Variants in TAX1BP1 observed in about 807,000 individuals in gnomAD.
The protein encoded by TAX1BP1 is tax1-binding protein 1.
A neutral mutation model predicts 97.7 loss-of-function variants in TAX1BP1; 62 were observed. The observed-to-expected ratio is 0.63, with a 90% CI of 0.52 to 0.78. The LOEUF (loss-of-function observed/expected upper bound fraction) is 0.78. Among genes scored for constraint, TAX1BP1 ranks in the 30% least tolerant of loss-of-function variants. The pLI is 0.00. For missense variants in TAX1BP1, 867 were observed against 916.1 expected, an observed-to-expected ratio of 0.95 and a Z score of 0.69; for synonymous variants, 340 against 304.2, an observed-to-expected ratio of 1.12 and a Z score of -1.23.
In TAX1BP1 at chr7:27,765,893, G is replaced by A; in HGVS notation, c.325G>A (p.Gly109Ser). ...TCAGTTCTGTTACGTTACCCATAAGGGTGAAATTCGTGGAGCAAGTACACC... is the reference window on the plus strand; with the variant it reads ...TCAGTTCTGTTACGTTACCCATAAGAGTGAAATTCGTGGAGCAAGTACACC... ...FYQFCYVTHK[G>S]EIRGASTPFQ... is the part of the protein sequence containing the mutation. Residue 109 changes from glycine to serine, a missense_variant, in exon 4 of 17, where the codon GGT becomes AGT. By Grantham distance (56) the Gly-to-Ser change is moderately conservative (BLOSUM62 0). Coordinates refer to ENST00000396319, the MANE Select transcript of TAX1BP1 (RefSeq NM_006024.7). 2 of 1,614,106 alleles carry A rather than the reference G, an allele frequency of 1.2e-6. No homozygotes were observed. Among genetic ancestry groups the A allele is most frequent in the Non-Finnish European group, 1.7e-6 (2 of 1,180,014 alleles).
rs1284833881 is a variant in TAX1BP1, at chr7:27,758,036, A to C, written c.168A>C (p.Gly56=). 3 of 1,608,282 alleles carry C rather than the reference A, an allele frequency of 1.9e-6. No homozygotes were observed. The African/African-American group carries it at 4.0e-5, about 22-fold the overall frequency. Reference sequence around the variant, plus strand: ...TTTTTGTTATTTCCCTTTAGGTTGGATGGAGTACTGCTCGTGATTATTACA... The same window carrying C: ...TTTTTGTTATTTCCCTTTAGGTTGGCTGGAGTACTGCTCGTGATTATTACA... ...PKDWVGIFKV[G]WSTARDYYTF... is the part of the protein sequence containing the mutation. Residue 56 remains glycine (G), a synonymous_variant, in exon 3 of 17, where the codon GGA becomes GGC. Transcript: ENST00000396319.
intron 13 of TAX1BP1, among the ~76,000 whole-genome samples, chr7:27,809,802 C>T (rs181344330): frequency 6.6e-6 from 1 of 152,194 alleles, no homozygotes; most frequent in East Asian, 1.9e-4. Context: ...AAACCCTTGA[C>T]TCTATTTCAG....
At chr7:27,785,096 A>T in intron 5 of TAX1BP1, 67 bp from the exon 6 acceptor site, 1 of 1,475,196 alleles carries the variant, frequency 6.8e-7, no homozygotes, top group South Asian at 1.4e-5. Context: ...TTTCTTAAAG[A>T]TATGCAAATT....
intron 2 of TAX1BP1, among the ~76,000 whole-genome samples, chr7:27,752,873 A>G (rs1788074435): frequency 6.6e-6 from 1 of 152,228 alleles, no homozygotes; most frequent in African/African-American, 2.4e-5. Context: ...GGCATTCAAT[A>G]ATTATTCTCT....
chr7:27,829,413 A>G lies in TAX1BP1; in HGVS notation c.*584A>G, dbSNP rs1192344866. ...GGTTTTAGCAATTAACAGAAGGCAT[A>G]CTTTGCTAATTTTATGGCAAAATTT... On this transcript the variant is annotated 3_prime_UTR_variant, in exon 17 of 17. Coordinates refer to ENST00000396319, the MANE Select transcript of TAX1BP1 (RefSeq NM_006024.7). The G allele has an allele frequency of 6.6e-6, 1 of 152,242 alleles. No homozygotes were observed. The highest frequency in any genetic ancestry group is 2.4e-5 in the African/African-American group (1 of 41,464). 9.4% of individuals were successfully genotyped at this position (152,242 alleles called of 1,614,324 possible).
At chr7:27,787,948 A>C (rs1789551779) in intron 8 of TAX1BP1, among the ~76,000 whole-genome samples, 1 of 152,080 alleles carries the variant, frequency 6.6e-6, no homozygotes, top group African/African-American at 2.4e-5. Flanking sequence ...TGATTGAATA[A>C]CAGTCATTCT....
At chr7:27,751,933 G>A (rs549438176) in intron 2 of TAX1BP1, among the ~76,000 whole-genome samples, 3 of 152,116 alleles carry the variant, frequency 2.0e-5, no homozygotes, top group Non-Finnish European at 4.4e-5. Flanking sequence ...GATTGCAGGC[G>A]TGAACCACCA....
At chr7:27,768,108 T>C (rs962009333) in intron 4 of TAX1BP1, among the ~76,000 whole-genome samples, 1 of 152,036 alleles carries the variant, frequency 6.6e-6, no homozygotes, top group Non-Finnish European at 1.5e-5. Flanking sequence ...AAAATTATTC[T>C]TAATATTCTT....
chr7:27,814,043 G>A (rs1020465785), intron 13 of TAX1BP1, among the ~76,000 whole-genome samples: 8 of 150,690 alleles, frequency 5.3e-5, no homozygotes, highest in Admixed American at 4.0e-4. Context: ...TGATCCGCCC[G>A]CCTCGGCCTC....
intron 15 of TAX1BP1, among the ~76,000 whole-genome samples, chr7:27,817,959 G>A (rs566453998): frequency 1.3e-5 from 2 of 152,238 alleles, no homozygotes; most frequent in Admixed American, 1.3e-4. Flanking sequence ...GGAGAAAAAT[G>A]TATTTCTCCC....
intron 13 of TAX1BP1, chr7:27,803,107 AG>A (rs768063450): frequency 1.3e-4 from 197 of 1,544,522 alleles, no homozygotes; most frequent in Middle Eastern, 6.8e-4. Context: ...TTCTTTATTC[AG>A]CTTCAATTGG....
intron 7 of TAX1BP1, among the ~76,000 whole-genome samples, chr7:27,786,003 T>C (rs953179194): frequency 3.9e-5 from 6 of 152,170 alleles, no homozygotes; most frequent in East Asian, 3.8e-4. Context: ...TATATATATA[T>C]ACACATTGGG....
chr7:27,748,473 A>T (rs1787907754), intron 1 of TAX1BP1, 45 bp from the exon 2 acceptor site: 1 of 1,374,736 alleles, frequency 7.3e-7, no homozygotes, highest in African/African-American at 1.4e-5. Context: ...GCATAAGTTT[A>T]TTCTTAGTTG....
At chr7:27,760,141 A>G (rs1375662028) in intron 3 of TAX1BP1, among the ~76,000 whole-genome samples, 2 of 151,978 alleles carry the variant, frequency 1.3e-5, no homozygotes, top group Admixed American at 6.6e-5. Flanking sequence ...AGTGTGAGCC[A>G]CCATGCCTGG....
intron 2 of TAX1BP1, among the ~76,000 whole-genome samples, chr7:27,750,522 A>G (rs78216456): frequency 2.3e-3 from 356 of 152,346 alleles, no homozygotes; most frequent in African/African-American, 8.2e-3. Context: ...AAGTCAGTTT[A>G]ACTAGAGCAT....
chr7:27,779,532 A>T (rs988909517), intron 5 of TAX1BP1, among the ~76,000 whole-genome samples: 1 of 152,208 alleles, frequency 6.6e-6, no homozygotes, highest in African/African-American at 2.4e-5. Flanking sequence ...ATAGTAGTTG[A>T]ATTTGGGTAT....
chr7:27,785,638 G>A, intron 7 of TAX1BP1, 149 bp downstream of exon 7: 1 of 662,538 alleles, frequency 1.5e-6, no homozygotes. Flanking sequence ...ATGTTGGCAA[G>A]GGGTGCAGTC....
chr7:27,779,774 A>T (rs552921373), intron 5 of TAX1BP1, among the ~76,000 whole-genome samples: 1 of 152,276 alleles, frequency 6.6e-6, no homozygotes, highest in African/African-American at 2.4e-5. Context: ...TTGCATGATT[A>T]TTCGGGGGCC....
chr7:27,757,954 A>G (rs769344363), intron 2 of TAX1BP1, 77 bp from the exon 3 acceptor site: 1 of 790,600 alleles, frequency 1.3e-6, no homozygotes, highest in Non-Finnish European at 2.1e-6. Context: ...AAAATACAAT[A>G]AATAAACAGT....
Sources: gnomAD v4.1 joint callset for allele counts (sites outside exome capture counted in the v4.1 genomes callset) on GRCh38, gnomAD v4.1.1 for gene constraint, MANE v1.5 for transcripts, NCBI Gene and HGNC (gene_info 2026-07-23, HGNC 2026-07-21) for gene names.